Variants in CTIF observed in about 807,000 individuals in gnomAD.
The protein encoded by CTIF is CBP80/20-dependent translation initiation factor.
CTIF carries 21 observed loss-of-function variants against 66.0 expected under a neutral mutation model. That is an observed-to-expected ratio of 0.32 (90% CI 0.23 to 0.46). CTIF has a LOEUF of 0.46. Ranked by LOEUF, CTIF falls within the 20% of genes least tolerant of loss-of-function variation. The pLI is 1.00. For missense variants in CTIF, 739 were observed against 812.7 expected (o/e 0.91, Z 1.10); for synonymous variants, 345 against 326.4 (o/e 1.06, Z -0.62).
At chr18:48,742,612 C>T (rs964252073) in intron 7 of CTIF, among the ~76,000 whole-genome samples, 1 of 152,214 alleles carries the variant, frequency 6.6e-6, no homozygotes, top group Non-Finnish European at 1.5e-5. Context: ...ACTTATTGAG[C>T]CTTGCTCTGT....
At chr18:48,733,132 C>A (rs770892332) in intron 7 of CTIF, among the ~76,000 whole-genome samples, 1 of 152,126 alleles carries the variant, frequency 6.6e-6, no homozygotes, top group Non-Finnish European at 1.5e-5. Context: ...CCTTCCAAAG[C>A]GTAGCTGCCC....
At chr18:48,776,128 T>G (rs1475875763) in intron 9 of CTIF, among the ~76,000 whole-genome samples, 1 of 152,168 alleles carries the variant, frequency 6.6e-6, no homozygotes, top group Non-Finnish European at 1.5e-5. Flanking sequence ...CCCTGGGGTT[T>G]TGCTGAGGCA....
At chr18:48,685,308 C>T (rs9957102) in intron 6 of CTIF, among the ~76,000 whole-genome samples, 22,006 of 151,822 alleles carry the variant, frequency 0.14, 1,642 homozygotes, top group Middle Eastern at 0.19. Context: ...CTGCAACCTC[C>T]GCCTCCCGGG....
chr18:48,782,437 C>T (rs1297415457), intron 9 of CTIF, among the ~76,000 whole-genome samples: 2 of 152,170 alleles, frequency 1.3e-5, no homozygotes, highest in Admixed American at 6.5e-5. Context: ...CCCACCCGCT[C>T]CCCATCCTGA....
chr18:48,768,484 A>G lies in CTIF; in HGVS notation c.1371+6795A>G, dbSNP rs975035418. Among the ~76,000 whole-genome samples the G allele has an allele frequency of 1.6e-4, 24 of 152,202 alleles. 1 individual carries two copies. Among genetic ancestry groups the G allele is most frequent in the Non-Finnish European group, 5.9e-5 (4 of 68,042 alleles). Reference sequence around the variant, plus strand: ...GGTTCCAGGGCAGGGATCCCTCCCCAGGCTTATACATGGGGAAAGTGGCTC... The same window carrying G: ...GGTTCCAGGGCAGGGATCCCTCCCCGGGCTTATACATGGGGAAAGTGGCTC... On this transcript the variant is annotated intron_variant, in intron 9 of 11. Coordinates refer to ENST00000256413, the MANE Select transcript of CTIF (RefSeq NM_014772.3).
intron 6 of CTIF, among the ~76,000 whole-genome samples, chr18:48,682,668 G>A (rs560519215): frequency 1.4e-4 from 22 of 152,166 alleles, no homozygotes; most frequent in Admixed American, 3.3e-4. Context: ...TCAAATGAAG[G>A]ACAAAGAATT....
chr18:48,840,877 A>ACCCCCC (rs2068924540), intron 10 of CTIF, among the ~76,000 whole-genome samples: 4 of 41,474 alleles, frequency 9.6e-5, no homozygotes, highest in African/African-American at 3.1e-4. Flanking sequence ...CCCCACCCCC[A>ACCCCCC]CCCCCACCCC....
At chr18:48,777,628 A>G (rs543175147) in intron 9 of CTIF, among the ~76,000 whole-genome samples, 1 of 152,370 alleles carries the variant, frequency 6.6e-6, no homozygotes, top group South Asian at 2.1e-4. Flanking sequence ...GTGCCTGCCC[A>G]GAGACCCAGC....
chr18:48,714,792 C>A (rs877885), intron 7 of CTIF, among the ~76,000 whole-genome samples: 49,536 of 152,080 alleles, frequency 0.33, 9,556 homozygotes, highest in African/African-American at 0.54. Context: ...CCTCACTCAC[C>A]CTATGATCTT....
At chr18:48,565,818 A>C (rs1451501677) in intron 1 of CTIF, 2 of 152,252 alleles carry the variant, frequency 1.3e-5, no homozygotes, top group Non-Finnish European at 2.9e-5. Context: ...TGCCATGCAG[A>C]TAAATCCATG....
chr18:48,663,935 C>A, intron 4 of CTIF, 110 bp downstream of exon 4: 3 of 994,878 alleles, frequency 3.0e-6, no homozygotes, highest in Non-Finnish European at 4.8e-6. Context: ...CAGAGAGAAG[C>A]AGAGTAGGGG....
At chr18:48,806,592 A>G (rs537170334) in intron 9 of CTIF, among the ~76,000 whole-genome samples, 20 of 152,152 alleles carry the variant, frequency 1.3e-4, no homozygotes, top group Non-Finnish European at 2.4e-4. Flanking sequence ...AAGTGTAAAA[A>G]ATATATGCAT....
chr18:48,563,249 G>C (rs939353372), intron 1 of CTIF, among the ~76,000 whole-genome samples: 2 of 136,438 alleles, frequency 1.5e-5, no homozygotes, highest in East Asian at 4.8e-4. Flanking sequence ...GATGTAAACT[G>C]TACTAGGAGC....
intron 1 of CTIF, among the ~76,000 whole-genome samples, chr18:48,615,476 G>A (rs995282029): frequency 6.6e-6 from 1 of 152,224 alleles, no homozygotes; most frequent in South Asian, 2.1e-4. Context: ...CCTGGAAAAC[G>A]AGAGTTCCTG....
chr18:48,659,735 G>C (rs983251015), intron 3 of CTIF, among the ~76,000 whole-genome samples: 1 of 152,198 alleles, frequency 6.6e-6, no homozygotes, highest in South Asian at 2.1e-4. Flanking sequence ...GCAGAGACCT[G>C]TGGGGCAGAG....
In CTIF at chr18:48,862,152, A is replaced by C. The variant is rs2069484609; in HGVS notation, c.*2593A>C. On this transcript the variant is annotated 3_prime_UTR_variant, in exon 12 of 12. Coordinates refer to ENST00000256413, the MANE Select transcript of CTIF (RefSeq NM_014772.3). Reference sequence around the variant, plus strand: ...GACAGGAACTGCAGGACAGAAGTGGATGCCCCACAGACCCTGGCCCCCTCC... The same window carrying C: ...GACAGGAACTGCAGGACAGAAGTGGCTGCCCCACAGACCCTGGCCCCCTCC... 6.6e-6 allele frequency: 1 copy of C among 152,108 alleles called. No individual in the cohort carries two copies. The highest frequency in any genetic ancestry group is 1.5e-5 in the Non-Finnish European group (1 of 68,030). 9.4% of individuals were successfully genotyped at this position (152,108 alleles called of 1,614,324 possible).
At chr18:48,552,458 T>G (rs996749476) in intron 1 of CTIF, among the ~76,000 whole-genome samples, 1 of 152,196 alleles carries the variant, frequency 6.6e-6, no homozygotes, top group South Asian at 2.1e-4. Flanking sequence ...TTTCTTGGGC[T>G]AGGAAGTTCA....
At chr18:48,561,258 A>AGT (rs1308095050) in intron 1 of CTIF, among the ~76,000 whole-genome samples, 2 of 133,390 alleles carry the variant, frequency 1.5e-5, no homozygotes, top group Admixed American at 1.5e-4. Context: ...AAAAAAAAGG[A>AGT]GTGTTTATAA....
chr18:48,788,856 A>G (rs921300505), intron 9 of CTIF, among the ~76,000 whole-genome samples: 54 of 152,298 alleles, frequency 3.5e-4, no homozygotes, highest in African/African-American at 1.3e-3. Context: ...AGGTAGGCCA[A>G]CAGTGGACAC....
Sources: allele counts gnomAD v4.1 joint callset (sites outside exome capture counted in the v4.1 genomes callset), GRCh38; gene constraint gnomAD v4.1.1; transcripts MANE v1.5; gene names NCBI Gene and HGNC (gene_info 2026-07-23, HGNC 2026-07-21).